Variants in BCAS3 observed in about 807,000 individuals in gnomAD.
BCAS3 encodes the protein BCAS3 microtubule associated cell migration factor.
Under a neutral mutation model 116.1 loss-of-function variants are expected in BCAS3, and 53 were observed. That is an observed-to-expected ratio of 0.46 (90% confidence interval 0.37 to 0.57). BCAS3 has a LOEUF of 0.57. Among genes scored for constraint, BCAS3 ranks in the 20% least tolerant of loss-of-function variants. The pLI is 0.00. For missense variants in BCAS3, 917 were observed against 1,165.4 expected (o/e 0.79, Z 3.10); for synonymous variants, 391 against 408.2 (o/e 0.96, Z 0.51).
In BCAS3 at chr17:60,773,537, C is replaced by T. The variant is rs376481430; in HGVS notation, c.403+26258C>T. Reference sequence around the variant, plus strand: ...TAAACTCTCGGACTCAAACCATCTGCCTATCTCAGCCTCACAAAGTACTGG... The same window carrying T: ...TAAACTCTCGGACTCAAACCATCTGTCTATCTCAGCCTCACAAAGTACTGG... On this transcript the variant is annotated intron_variant, in intron 6 of 23. Transcript: ENST00000407086. 5.9e-5 allele frequency among the ~76,000 whole-genome samples: 9 copies of T among 152,242 alleles called. No homozygotes were observed. The East Asian group carries it at 1.7e-3, about 29-fold the overall frequency.
At chr17:60,809,909 A>G (rs1315443740) in intron 7 of BCAS3, among the ~76,000 whole-genome samples, 1 of 152,238 alleles carries the variant, frequency 6.6e-6, no homozygotes, top group African/African-American at 2.4e-5. Context: ...CTTTAAAGTA[A>G]TGCAAGAATA....
chr17:61,153,605 C>A (rs974164832), intron 22 of BCAS3, among the ~76,000 whole-genome samples: 6 of 152,160 alleles, frequency 3.9e-5, no homozygotes, highest in African/African-American at 1.4e-4. Context: ...ACTACAGTTT[C>A]TTTATCATCT....
At chr17:61,166,497 A>C (rs2078511690) in intron 22 of BCAS3, among the ~76,000 whole-genome samples, 1 of 141,400 alleles carries the variant, frequency 7.1e-6, no homozygotes, top group Non-Finnish European at 1.5e-5. Context: ...TCCTGGGTTC[A>C]GGCAGTTCTC....
intron 23 of BCAS3, among the ~76,000 whole-genome samples, chr17:61,374,514 C>T (rs537764902): frequency 5.3e-5 from 8 of 152,304 alleles, no homozygotes; most frequent in African/African-American, 1.9e-4. Context: ...TCTCAGGGTC[C>T]GGGAGACTGT....
intron 5 of BCAS3, among the ~76,000 whole-genome samples, chr17:60,721,539 T>A (rs919431510): frequency 3.3e-5 from 5 of 152,214 alleles, no homozygotes; most frequent in African/African-American, 1.2e-4. Context: ...TCTTGTTGAT[T>A]TGACATAGGC....
intron 23 of BCAS3, among the ~76,000 whole-genome samples, chr17:61,369,150 A>T (rs1603109980): frequency 6.6e-6 from 1 of 152,344 alleles, no homozygotes; most frequent in Admixed American, 6.5e-5. Flanking sequence ...CATCTCCAGT[A>T]CAGCTGTAAT....
chr17:60,800,575 G>T (rs1432468279), intron 6 of BCAS3, among the ~76,000 whole-genome samples: 1 of 152,112 alleles, frequency 6.6e-6, no homozygotes, highest in Non-Finnish European at 1.5e-5. Context: ...CTTTGATAGA[G>T]CAAAATTTAT....
intron 5 of BCAS3, among the ~76,000 whole-genome samples, chr17:60,737,700 T>G (rs1038461293): frequency 2.8e-4 from 43 of 151,920 alleles, no homozygotes; most frequent in African/African-American, 1.0e-3. Flanking sequence ...ATTTGGTTAT[T>G]TTCCAGCTTT....
chr17:61,247,375 ATAT>A (rs1437873581), intron 22 of BCAS3, among the ~76,000 whole-genome samples: 3 of 152,152 alleles, frequency 2.0e-5, no homozygotes, highest in African/African-American at 7.2e-5. Context: ...CTTATCAAAA[ATAT>A]ATTGTTTAAA....
chr17:61,334,566 A>G (rs2056551086), intron 22 of BCAS3, among the ~76,000 whole-genome samples: 1 of 145,550 alleles, frequency 6.9e-6, no homozygotes, highest in Non-Finnish European at 1.5e-5. Flanking sequence ...CAGGAGGCTG[A>G]GGCAGGATAA....
intron 7 of BCAS3, chr17:60,810,317 C>T (rs2048682576): frequency 6.7e-6 from 3 of 450,030 alleles, no homozygotes; most frequent in Middle Eastern, 5.8e-4. Context: ...GTGTCCCACT[C>T]CACCAACTTC....
At chr17:60,793,178 AC>A (rs1345993562) in intron 6 of BCAS3, among the ~76,000 whole-genome samples, 3 of 152,020 alleles carry the variant, frequency 2.0e-5, no homozygotes, top group Admixed American at 6.6e-5. Flanking sequence ...GCTCACTGCA[AC>A]TTCTGCCTCC....
intron 22 of BCAS3, among the ~76,000 whole-genome samples, chr17:61,274,312 AAGTTCTC>A (rs1220873832): frequency 7.5e-6 from 1 of 133,426 alleles, no homozygotes; most frequent in African/African-American, 2.9e-5. Context: ...TTTTTGAGAC[AAGTTCTC>A]AGTTTGTCGC....
chr17:60,991,730 C>A (rs2063537811), intron 15 of BCAS3, among the ~76,000 whole-genome samples: 1 of 152,292 alleles, frequency 6.6e-6, no homozygotes, highest in Admixed American at 6.5e-5. Context: ...ACATTTTCCT[C>A]ACTCCAAAAG....
At chr17:61,301,176 A>G (rs921348563) in intron 22 of BCAS3, among the ~76,000 whole-genome samples, 4 of 152,214 alleles carry the variant, frequency 2.6e-5, no homozygotes, top group Admixed American at 2.6e-4. Context: ...ATGCTCACTC[A>G]TGTACATATT....
Position 61,098,814 on chromosome 17 carries a change from T to C in BCAS3, c.2425+14250T>C, listed in dbSNP as rs905780429. Among the ~76,000 whole-genome samples the C allele has an allele frequency of 4.6e-5, 7 of 151,942 alleles. No homozygotes were observed. Among genetic ancestry groups the C allele is most frequent in the African/African-American group, 1.7e-4 (7 of 41,342 alleles). On this transcript the variant is annotated intron_variant, in intron 22 of 23. Coordinates refer to ENST00000407086, the MANE Select transcript of BCAS3 (RefSeq NM_017679.5). The surrounding 1 kb of genome is among the most constrained non-coding windows in gnomAD (Gnocchi z 4.2). ...GTAGGTGTGGATCCTGATTGTTCTGTTACTGCTTGGCTTAAGATACCCCTG... is the reference window on the plus strand; with the variant it reads ...GTAGGTGTGGATCCTGATTGTTCTGCTACTGCTTGGCTTAAGATACCCCTG...
intron 22 of BCAS3, among the ~76,000 whole-genome samples, chr17:61,341,031 A>G (rs144472837): frequency 5.8e-4 from 88 of 152,330 alleles, no homozygotes; most frequent in African/African-American, 1.9e-3. Context: ...CTGAGAGGCC[A>G]GGTTGCTGAC....
intron 23 of BCAS3, among the ~76,000 whole-genome samples, chr17:61,386,465 GTCACAGTGCTCTGCCAA>G (rs1013956730): frequency 6.6e-6 from 1 of 152,258 alleles, no homozygotes; most frequent in African/African-American, 2.4e-5. Flanking sequence ...CCAGGGCCCA[GTCACAGTGCTCTGCCAA>G]TCCCTTCAGT....
At chr17:61,173,872 C>A (rs1266354442) in intron 22 of BCAS3, among the ~76,000 whole-genome samples, 1 of 152,064 alleles carries the variant, frequency 6.6e-6, no homozygotes, top group Non-Finnish European at 1.5e-5. Context: ...CAGAGTGAGA[C>A]CCTGTCTCAA....
Sources: allele counts gnomAD v4.1 joint callset (sites outside exome capture counted in the v4.1 genomes callset), GRCh38; gene constraint gnomAD v4.1.1; non-coding constraint Gnocchi (gnomAD v3.1); transcripts MANE v1.5; gene names NCBI Gene and HGNC (gene_info 2026-07-23, HGNC 2026-07-21).